UNC13B: variants seen among roughly 807,000 people sequenced by gnomAD.
The protein encoded by UNC13B is unc-13 homolog B, also known as protein unc-13 homolog B.
In UNC13B, 144 loss-of-function variants were observed where a neutral mutation model predicts 211.0. The ratio of observed to expected loss-of-function variants is 0.68; its 90% CI spans 0.60 to 0.78. The LOEUF (loss-of-function observed/expected upper bound fraction) is 0.78, where lower values mean the gene tolerates loss of function less well. UNC13B is among the 30% of genes least tolerant of loss of function. The pLI is 0.00. For synonymous variants in UNC13B, 709 were observed against 725.8 expected (o/e 0.98, Z 0.37); for missense variants, 1,777 against 2,002.0 (o/e 0.89, Z 2.14).
chr9:35,177,185 C>T (rs1342368504), intron 1 of UNC13B, among the ~76,000 whole-genome samples: 2 of 152,040 alleles, frequency 1.3e-5, no homozygotes, highest in Admixed American at 6.6e-5. Flanking sequence ...TACTCAGGAT[C>T]CTGCTGAGAC....
At chr9:35,232,177 C>CCTTTTTTTTTTTTTTTTTTTTT (rs1825241825) in intron 3 of UNC13B, among the ~76,000 whole-genome samples, 2 of 31,536 alleles carry the variant, frequency 6.3e-5, no homozygotes, top group Admixed American at 7.5e-4. Flanking sequence ...TATATTGCTG[C>CCTTTTTTTTTTTTTTTTTTTTT]TTTTTTTTTT....
At chr9:35,357,445 G>A (rs1038068065) in intron 11 of UNC13B, among the ~76,000 whole-genome samples, 11 of 151,662 alleles carry the variant, frequency 7.3e-5, no homozygotes, top group Admixed American at 6.6e-4. Flanking sequence ...TTGTTTTTGA[G>A]CTGTAAGAAT....
At chr9:35,389,776 C>T (rs778957631) in intron 24 of UNC13B, 70 bp from the exon 25 acceptor site, 17 of 1,531,864 alleles carry the variant, frequency 1.1e-5, no homozygotes, top group African/African-American at 2.7e-5. Context: ...GAAAGAGGAT[C>T]GTTGGAGACA....
intron 7 of UNC13B, chr9:35,291,047 T>C (rs563960723): frequency 3.2e-6 from 5 of 1,549,976 alleles, no homozygotes; most frequent in East Asian, 2.4e-5. Flanking sequence ...AATTATCTGC[T>C]GCTTCTTTGT....
intron 1 of UNC13B, among the ~76,000 whole-genome samples, chr9:35,223,427 T>C (rs1287616756): frequency 6.6e-6 from 1 of 152,206 alleles, no homozygotes. Context: ...GTTTTGATTT[T>C]AATTTTCCTG....
In UNC13B at chr9:35,368,332, A is replaced by T. The variant is rs189069252; in HGVS notation, c.9461+1339A>T. ...GTGTTTGGTTTTCTGTTCCTGCATT[A>T]GTTTGCTAAGAATAGTGGCCTCCAG... On this transcript the variant is annotated intron_variant, in intron 12 of 39. Transcript: ENST00000635942. Among the ~76,000 whole-genome samples the T allele has an allele frequency of 3.2e-3, 485 of 152,302 alleles. 2 individuals carry two copies. The highest frequency in any genetic ancestry group is 0.011 in the African/African-American group (460 of 41,550).
intron 5 of UNC13B, among the ~76,000 whole-genome samples, chr9:35,241,688 T>A (rs1039606163): frequency 6.6e-6 from 1 of 152,090 alleles, no homozygotes; most frequent in Non-Finnish European, 1.5e-5. Context: ...TGGTGAATCA[T>A]CCCACATCAG....
chr9:35,220,800 G>A (rs534077795), intron 1 of UNC13B, among the ~76,000 whole-genome samples: 19 of 152,118 alleles, frequency 1.2e-4, no homozygotes, highest in Admixed American at 6.5e-4. Context: ...GGATCATATC[G>A]TAGCTCTATT....
intron 2 of UNC13B, among the ~76,000 whole-genome samples, chr9:35,228,401 T>C (rs1194297240): frequency 2.0e-5 from 3 of 152,030 alleles, no homozygotes; most frequent in African/African-American, 7.2e-5. Flanking sequence ...GTTTGTTACA[T>C]AGGTATACAT....
chr9:35,396,682 A>G (rs1386961850), intron 27 of UNC13B, 80 bp downstream of exon 27: 15 of 1,602,314 alleles, frequency 9.4e-6, no homozygotes, highest in Non-Finnish European at 1.3e-5. Flanking sequence ...CATTTCAGCA[A>G]GCCAGTCTCG....
At chr9:35,210,937 A>G (rs1477291249) in intron 1 of UNC13B, among the ~76,000 whole-genome samples, 3 of 151,864 alleles carry the variant, frequency 2.0e-5, no homozygotes, top group Non-Finnish European at 4.4e-5. Context: ...GGGTCTCTCT[A>G]TGTTGCTTAG....
chr9:35,232,189 T>TTTTTTTTTTTTTTTTG (rs1825252459), intron 3 of UNC13B, among the ~76,000 whole-genome samples: 1 of 118,192 alleles, frequency 8.5e-6, no homozygotes, highest in African/African-American at 3.1e-5. Flanking sequence ...TTTTTTTTTT[T>TTTTTTTTTTTTTTTTG]TTTTTTTTTG....
At chr9:35,367,059 C>T (rs1353297953) in intron 12 of UNC13B, 66 bp downstream of exon 12, 7 of 1,500,948 alleles carry the variant, frequency 4.7e-6, no homozygotes, top group Non-Finnish European at 6.5e-6. Context: ...TTAGCTTTTC[C>T]CCTGGGAAGC....
At chr9:35,353,491 T>G (rs1832846283) in intron 11 of UNC13B, 1 of 1,232,134 alleles carries the variant, frequency 8.1e-7, no homozygotes, top group Non-Finnish European at 1.0e-6. Context: ...GCTTGCTCAG[T>G]GTGGTCTCTG....
chr9:35,248,016 T>G (rs1303278592), intron 6 of UNC13B, among the ~76,000 whole-genome samples: 1 of 152,200 alleles, frequency 6.6e-6, no homozygotes, highest in Non-Finnish European at 1.5e-5. Flanking sequence ...CTATTAATTA[T>G]TGCCTCAATT....
intron 6 of UNC13B, among the ~76,000 whole-genome samples, chr9:35,245,485 C>T (rs1237949794): frequency 1.4e-5 from 2 of 145,350 alleles, no homozygotes; most frequent in Non-Finnish European, 3.0e-5. Context: ...TCTCCTAATG[C>T]TATCCCTCCC....
chr9:35,275,815 A>G (rs1587522159), intron 7 of UNC13B, among the ~76,000 whole-genome samples: 1 of 151,486 alleles, frequency 6.6e-6, no homozygotes, highest in South Asian at 2.1e-4. Context: ...CTGGTCTTGA[A>G]CTCCTGACAT....
rs1230196447 is a variant in UNC13B, at chr9:35,219,577, A to G, written c.23-8438A>G. Reference sequence around the variant, plus strand: ...GGCTGCAGTGAGCCATGATTATACCACTGCACTCCAGCCTGGGTGACAGAG... The same window carrying G: ...GGCTGCAGTGAGCCATGATTATACCGCTGCACTCCAGCCTGGGTGACAGAG... On this transcript the variant is annotated intron_variant, in intron 1 of 39. Transcript: ENST00000635942. 3.3e-5 allele frequency among the ~76,000 whole-genome samples: 5 copies of G among 150,422 alleles called. No homozygotes were observed. In the East Asian group the frequency reaches 9.8e-4, roughly 30 times the overall value.
intron 1 of UNC13B, among the ~76,000 whole-genome samples, chr9:35,203,883 G>T (rs1823478787): frequency 6.6e-6 from 1 of 152,242 alleles, no homozygotes; most frequent in African/African-American, 2.4e-5. Context: ...CCTAAGTAAA[G>T]AGCAGCCAAG....
Sources: gnomAD v4.1 joint callset for allele counts (sites outside exome capture counted in the v4.1 genomes callset) on GRCh38, gnomAD v4.1.1 for gene constraint, MANE v1.5 for transcripts, NCBI Gene and HGNC (gene_info 2026-07-23, HGNC 2026-07-21) for gene names.